The following DNAI3 variants were observed in gnomAD, a reference collection of about 807,000 sequenced individuals.
DNAI3 encodes WD repeat domain 63.
Under a neutral mutation model 115.5 loss-of-function variants are expected in DNAI3, and 83 were observed. The observed-to-expected ratio is 0.72, with a 90% CI of 0.60 to 0.86. The LOEUF (loss-of-function observed/expected upper bound fraction) is 0.86, where lower values mean the gene tolerates loss of function less well. DNAI3 is among the 40% of genes least tolerant of loss of function. The probability of loss-of-function intolerance (pLI) is 0.00; values close to 1 mark genes in which losing one functional copy is unlikely to be tolerated. For synonymous variants in DNAI3, 320 were observed against 347.0 expected, an observed-to-expected ratio of 0.92 and a Z score of 0.86; for missense variants, 1,004 against 1,075.8, an observed-to-expected ratio of 0.93 and a Z score of 0.93.
At chr1:85,064,980 C>CT (rs781254149) in intron 1 of DNAI3, among the ~76,000 whole-genome samples, 1 of 152,126 alleles carries the variant, frequency 6.6e-6, no homozygotes, top group Non-Finnish European at 1.5e-5. Context: ...TTGCAATGAG[C>CT]TGAGATTACG....
chr1:85,095,835 T>C, intron 10 of DNAI3, 96 bp from the exon 11 acceptor site: 1 of 1,187,196 alleles, frequency 8.4e-7, no homozygotes, highest in Non-Finnish European at 1.2e-6. Context: ...TATAGATAGC[T>C]ATAAAATTAG....
At chr1:85,095,620 A>G (rs1392053189) in intron 10 of DNAI3, among the ~76,000 whole-genome samples, 1 of 152,164 alleles carries the variant, frequency 6.6e-6, no homozygotes, top group Non-Finnish European at 1.5e-5. Flanking sequence ...CACTAATTTC[A>G]TAGTCTTTTT....
intron 18 of DNAI3, among the ~76,000 whole-genome samples, chr1:85,123,374 C>A (rs1196980269): frequency 6.6e-6 from 1 of 152,196 alleles, no homozygotes; most frequent in Admixed American, 6.5e-5. Context: ...TCCTTTCTTA[C>A]AAGGCCCAGC....
At chr1:85,093,158 G>A (rs987088934) in intron 8 of DNAI3, among the ~76,000 whole-genome samples, 1 of 152,210 alleles carries the variant, frequency 6.6e-6, no homozygotes, top group Non-Finnish European at 1.5e-5. Context: ...AAGGAGGACT[G>A]GCCAGGCCCA....
chr1:85,065,065 G>A (rs897418006), intron 1 of DNAI3, among the ~76,000 whole-genome samples: 2 of 151,994 alleles, frequency 1.3e-5, no homozygotes, highest in African/African-American at 2.4e-5. Flanking sequence ...TAGAAAGATG[G>A]AAACAAGCAT....
intron 2 of DNAI3, among the ~76,000 whole-genome samples, chr1:85,072,686 T>C (rs1197692285): frequency 6.8e-6 from 1 of 147,468 alleles, no homozygotes; most frequent in Non-Finnish European, 1.5e-5. Context: ...CCGGGCACAG[T>C]GGCTCACGCC....
At chr1:85,075,893 T>C (rs1015191841) in intron 3 of DNAI3, among the ~76,000 whole-genome samples, 3 of 152,222 alleles carry the variant, frequency 2.0e-5, no homozygotes, top group Admixed American at 6.5e-5. Context: ...GTTAGTGGTA[T>C]ATGAGTTGCC....
chr1:85,121,587 T>C (rs1193167165), intron 17 of DNAI3, among the ~76,000 whole-genome samples, 164 bp from the exon 18 acceptor site: 4 of 152,354 alleles, frequency 2.6e-5, no homozygotes, highest in Middle Eastern at 6.8e-3. Context: ...AATTGAGTAC[T>C]CATTTTGAGG....
chr1:85,083,443 T>G (rs1654689784), intron 5 of DNAI3, among the ~76,000 whole-genome samples: 1 of 152,004 alleles, frequency 6.6e-6, no homozygotes, highest in African/African-American at 2.4e-5. Flanking sequence ...GCCATGATCA[T>G]GCCCCTGCAC....
At chr1:85,066,040 T>C (rs1350862603) in intron 1 of DNAI3, among the ~76,000 whole-genome samples, 1 of 152,226 alleles carries the variant, frequency 6.6e-6, no homozygotes, top group African/African-American at 2.4e-5. Flanking sequence ...CTAATGTCTC[T>C]TGTTGTTAAC....
At position 85,093,457 on chromosome 1, in the gene DNAI3, G is replaced by A. The variant is rs991015660; in HGVS notation, c.858-1G>A. 4 of 1,612,374 alleles carry A rather than the reference G, an allele frequency of 2.5e-6. No homozygotes were observed. The highest frequency in any genetic ancestry group is 3.4e-6 in the Non-Finnish European group (4 of 1,179,398). On this transcript the variant is annotated splice_acceptor_variant, in intron 8 of 22. Transcript: ENST00000294664. LOFTEE classifies it high-confidence loss of function. ...TTGCTTTTTTTATTTTTACAAATTA[G>A]TGTTGAAATAGCCCTGCAGCAAAAT...
chr1:85,087,742 CA>C (rs1245154937), intron 7 of DNAI3, among the ~76,000 whole-genome samples: 1 of 152,124 alleles, frequency 6.6e-6, no homozygotes, highest in Non-Finnish European at 1.5e-5. Flanking sequence ...GAAGAATGTG[CA>C]GAATGATGAC....
chr1:85,105,528 C>CA (rs755945527), intron 14 of DNAI3, among the ~76,000 whole-genome samples: 3,042 of 51,484 alleles, frequency 0.059, 69 homozygotes, highest in Middle Eastern at 0.097. Flanking sequence ...AACTCTGTCT[C>CA]AAAAAAAAAA....
At chr1:85,112,905 A>AT (rs1655698818) in intron 16 of DNAI3, among the ~76,000 whole-genome samples, 2 of 152,126 alleles carry the variant, frequency 1.3e-5, no homozygotes, top group South Asian at 4.1e-4. Context: ...AGTACCTGGG[A>AT]TTATAGGCAT....
chr1:85,095,929 A>G lies in DNAI3; in HGVS notation c.1174-2A>G. On this transcript the variant is annotated splice_acceptor_variant, in intron 10 of 22. Transcript: ENST00000294664. LOFTEE classifies it high-confidence loss of function. ...TTCATGAATTTGCTGGGTTTACTTTAGTTAATGCTGGAGAGCCCAGATGAC... is the reference window on the plus strand; with the variant it reads ...TTCATGAATTTGCTGGGTTTACTTTGGTTAATGCTGGAGAGCCCAGATGAC... 1 of 1,613,474 alleles carries G rather than the reference A, an allele frequency of 6.2e-7. No homozygotes were observed.
chr1:85,080,942 A>C (rs2100566116), intron 3 of DNAI3, among the ~76,000 whole-genome samples: 1 of 152,326 alleles, frequency 6.6e-6, no homozygotes, highest in African/African-American at 2.4e-5. Context: ...CAGTATTTAG[A>C]AGTTCATATG....
rs182223831 is a variant in DNAI3, at chr1:85,120,598, T to A, written c.1918-1153T>A. On this transcript the variant is annotated intron_variant, in intron 17 of 22. Coordinates refer to ENST00000294664, the MANE Select transcript of DNAI3 (RefSeq NM_145172.5). ...ATGAGACCCAGGAGATATTAATAACTCTCTTACAGGACTTTGGTGAGGGCT... is the reference window on the plus strand; with the variant it reads ...ATGAGACCCAGGAGATATTAATAACACTCTTACAGGACTTTGGTGAGGGCT... Among the ~76,000 whole-genome samples the A allele has an allele frequency of 4.6e-4, 70 of 152,296 alleles. 2 individuals carry two copies. Among genetic ancestry groups the A allele is most frequent in the South Asian group, 4.1e-3 (20 of 4,824 alleles).
intron 2 of DNAI3, among the ~76,000 whole-genome samples, chr1:85,072,424 A>C (rs1444468081): frequency 3.3e-5 from 5 of 152,006 alleles, no homozygotes; most frequent in African/African-American, 7.2e-5. Context: ...CGGTTGGATC[A>C]CGAGGTCAGG....
chr1:85,071,828 A>T (rs1654285714), intron 1 of DNAI3, 100 bp from the exon 2 acceptor site: 2 of 1,204,388 alleles, frequency 1.7e-6, no homozygotes, highest in African/African-American at 1.6e-5. Flanking sequence ...ATCTTAGAAA[A>T]CATATTCTTA....
Sources: gnomAD v4.1 joint callset for allele counts (sites outside exome capture counted in the v4.1 genomes callset) on GRCh38, gnomAD v4.1.1 for gene constraint, MANE v1.5 for transcripts, NCBI Gene and HGNC (gene_info 2026-07-23, HGNC 2026-07-21) for gene names.